Variants in SYN3 observed in about 807,000 individuals in gnomAD.
SYN3 encodes the protein synapsin III.
In SYN3, 35 loss-of-function variants were observed where a neutral mutation model predicts 65.8. The observed-to-expected ratio is 0.53, with a 90% CI of 0.41 to 0.70. The LOEUF (loss-of-function observed/expected upper bound fraction) is 0.70, where lower values mean the gene tolerates loss of function less well. SYN3 is among the 30% of genes least tolerant of loss of function. The pLI, the probability that SYN3 is intolerant of heterozygous loss-of-function variation, is 0.00. For synonymous variants in SYN3, 270 were observed against 292.9 expected (o/e 0.92, Z 0.80); for missense variants, 680 against 749.0 (o/e 0.91, Z 1.08).
At position 32,604,962 on chromosome 22, in the gene SYN3, C is replaced by T. The variant is rs544815045; in HGVS notation, c.712-8226G>A. On this transcript the variant is annotated intron_variant, in intron 6 of 13. Coordinates refer to ENST00000358763, the MANE Select transcript of SYN3 (RefSeq NM_003490.4). ...TGGAGCTTGCAGTGAGCCGAGATGG[C>T]GCCACTGCACACCAGCCTGGGCGAT... Among the ~76,000 whole-genome samples, 1,016 of 145,128 alleles carry T rather than the reference C, an allele frequency of 7.0e-3. 8 individuals are homozygous for T. The highest frequency in any genetic ancestry group is 0.022 in the South Asian group (103 of 4,610).
At chr22:32,784,628 G>A (rs1308355158) in intron 6 of SYN3, among the ~76,000 whole-genome samples, 2 of 152,162 alleles carry the variant, frequency 1.3e-5, no homozygotes, top group East Asian at 1.9e-4. Flanking sequence ...ATAAATATGT[G>A]TTATGGTAAG....
chr22:32,998,776 TAAAA>T (rs34372968), intron 2 of SYN3, among the ~76,000 whole-genome samples: 2 of 82,008 alleles, frequency 2.4e-5, no homozygotes, highest in South Asian at 4.5e-4. Flanking sequence ...ATAGAAATAG[TAAAA>T]AAAAAAAAAA....
At chr22:32,990,415 TCC>T (rs1569384678) in intron 2 of SYN3, among the ~76,000 whole-genome samples, 4 of 82,586 alleles carry the variant, frequency 4.8e-5, no homozygotes, top group African/African-American at 3.8e-4. Context: ...CAGCCATCCA[TCC>T]ATCCATCCAT....
chr22:33,017,638 G>A (rs1208501606), intron 1 of SYN3, among the ~76,000 whole-genome samples: 1 of 152,124 alleles, frequency 6.6e-6, no homozygotes, highest in African/African-American at 2.4e-5. Context: ...TATTGTGAAT[G>A]AAATTGATTT....
chr22:33,003,670 A>T (rs1243317747), intron 2 of SYN3, among the ~76,000 whole-genome samples: 1 of 152,202 alleles, frequency 6.6e-6, no homozygotes, highest in African/African-American at 2.4e-5. Flanking sequence ...AGTTTGAAAA[A>T]TTTGCAGCCT....
chr22:32,654,161 G>T (rs1045011014), intron 6 of SYN3, among the ~76,000 whole-genome samples: 2 of 152,212 alleles, frequency 1.3e-5, no homozygotes, highest in African/African-American at 4.8e-5. Flanking sequence ...GCCCAGAGCA[G>T]CCTGGACCTG....
chr22:32,995,288 C>T (rs1466836626), intron 2 of SYN3, among the ~76,000 whole-genome samples: 1 of 152,202 alleles, frequency 6.6e-6, no homozygotes. Flanking sequence ...CTTGTTGCTG[C>T]CCTCCATAAG....
At chr22:33,017,507 G>C (rs1442057447) in intron 1 of SYN3, among the ~76,000 whole-genome samples, 1 of 152,166 alleles carries the variant, frequency 6.6e-6, no homozygotes, top group Non-Finnish European at 1.5e-5. Flanking sequence ...GTGAACACGG[G>C]ATACCTTTCC....
At chr22:32,739,177 G>GC (rs1018441770) in intron 6 of SYN3, among the ~76,000 whole-genome samples, 2 of 150,882 alleles carry the variant, frequency 1.3e-5, no homozygotes, top group South Asian at 2.1e-4. Context: ...GAATCACAGG[G>GC]GGGGGGCGGT....
intron 6 of SYN3, among the ~76,000 whole-genome samples, chr22:32,749,300 C>CA: frequency 9.9e-6 from 1 of 100,754 alleles, no homozygotes; most frequent in Admixed American, 1.1e-4. Flanking sequence ...CCCAAAGCCC[C>CA]CCCCCCACCC....
intron 6 of SYN3, among the ~76,000 whole-genome samples, chr22:32,634,636 AC>A (rs1569109984): frequency 6.6e-6 from 1 of 152,082 alleles, no homozygotes; most frequent in Non-Finnish European, 1.5e-5. Context: ...TTTTTTGTTC[AC>A]GCTGTTCCCC....
rs140621093 is a variant in SYN3, at chr22:32,971,430, T to C, written c.369+9215A>G. On this transcript the variant is annotated intron_variant, in intron 3 of 13. Coordinates refer to ENST00000358763, the MANE Select transcript of SYN3 (RefSeq NM_003490.4). ...AGCCAAACAAATAAATCTTGCAGGA[T>C]TGTGTTAACAAAACAAGGCTTAGTG... Among the ~76,000 whole-genome samples, 377 of 152,286 alleles carry C rather than the reference T, an allele frequency of 2.5e-3. 3 individuals are homozygous for C. Among genetic ancestry groups the C allele is most frequent in the African/African-American group, 8.5e-3 (355 of 41,566 alleles).
chr22:32,523,957 A>T (rs996309324), intron 12 of SYN3, among the ~76,000 whole-genome samples: 1 of 152,270 alleles, frequency 6.6e-6, no homozygotes, highest in Non-Finnish European at 1.5e-5. Flanking sequence ...TGGAAAGAAG[A>T]TCAAACCAGA....
intron 3 of SYN3, among the ~76,000 whole-genome samples, chr22:32,965,206 A>T (rs1052515080): frequency 2.6e-5 from 4 of 151,700 alleles, no homozygotes; most frequent in Non-Finnish European, 5.9e-5. Flanking sequence ...CACATTGTGT[A>T]AATGTTAATG....
chr22:32,871,028 C>T (rs1002271391), intron 4 of SYN3, among the ~76,000 whole-genome samples: 4 of 152,298 alleles, frequency 2.6e-5, no homozygotes, highest in East Asian at 1.9e-4. Flanking sequence ...CTGGTTCTGA[C>T]AATGAGACAT....
Position 32,924,113 on chromosome 22 carries a change from G to A in SYN3, c.461+7277C>T, listed in dbSNP as rs141785526. On this transcript the variant is annotated intron_variant, in intron 4 of 13. Coordinates refer to ENST00000358763, the MANE Select transcript of SYN3 (RefSeq NM_003490.4). ...TGATGGGAATTTAGGTTGATTTCAC[G>A]TCTTTGCTATTGTGACTAGTGCTGC... is the stretch of plus-strand genomic sequence containing the variant. Among the ~76,000 whole-genome samples the A allele has an allele frequency of 8.5e-4, 129 of 152,244 alleles. 4 individuals are homozygous for A. The East Asian group carries it at 0.022, about 26-fold the overall frequency.
intron 6 of SYN3, among the ~76,000 whole-genome samples, chr22:32,733,678 C>T (rs1236291645): frequency 2.0e-5 from 3 of 152,200 alleles, no homozygotes; most frequent in African/African-American, 7.2e-5. Flanking sequence ...CCCAAACTCA[C>T]AAAATGCTGA....
intron 6 of SYN3, among the ~76,000 whole-genome samples, chr22:32,777,147 CCTT>C (rs2045926922): frequency 6.6e-6 from 1 of 152,166 alleles, no homozygotes; most frequent in African/African-American, 2.4e-5. Flanking sequence ...TGTAATGACT[CCTT>C]CATTCCACAG....
intron 6 of SYN3, among the ~76,000 whole-genome samples, chr22:32,839,055 G>A (rs1251679564): frequency 6.6e-6 from 1 of 151,816 alleles, no homozygotes; most frequent in Non-Finnish European, 1.5e-5. Flanking sequence ...GGGTCTTGCA[G>A]GAAGCCAAAG....
Sources: gnomAD v4.1 joint callset for allele counts (sites outside exome capture counted in the v4.1 genomes callset) on GRCh38, gnomAD v4.1.1 for gene constraint, MANE v1.5 for transcripts, NCBI Gene and HGNC (gene_info 2026-07-23, HGNC 2026-07-21) for gene names.